The following POLR3F variants were observed in gnomAD, a reference collection of about 807,000 sequenced individuals.
POLR3F encodes the protein RNA polymerase III subunit F, also known as DNA-directed RNA polymerase III subunit RPC6.
Under a neutral mutation model 43.6 loss-of-function variants are expected in POLR3F, and 31 were observed. The ratio of observed to expected loss-of-function variants is 0.71; its 90% confidence interval spans 0.53 to 0.96. The LOEUF is 0.96. Among genes scored for constraint, POLR3F ranks in the 40% least tolerant of loss-of-function variants. The pLI is 0.00. For missense variants in POLR3F, 316 were observed against 391.7 expected (o/e 0.81, Z 1.63); for synonymous variants, 114 against 132.5 (o/e 0.86, Z 0.96).
At chr20:18,467,939 C>G (rs970746347) in intron 1 of POLR3F, among the ~76,000 whole-genome samples, 1 of 152,168 alleles carries the variant, frequency 6.6e-6, no homozygotes, top group Non-Finnish European at 1.5e-5. Context: ...GCTCTTGTCA[C>G]TAAGGGAACG....
intron 7 of POLR3F, among the ~76,000 whole-genome samples, chr20:18,481,186 A>C (rs767755397): frequency 2.0e-5 from 3 of 151,786 alleles, no homozygotes; most frequent in African/African-American, 7.3e-5. Context: ...GCTTTAAATT[A>C]CTCCACCCCA....
intron 5 of POLR3F, among the ~76,000 whole-genome samples, chr20:18,476,041 T>C (rs1158975076): frequency 1.3e-5 from 2 of 152,242 alleles, no homozygotes; most frequent in African/African-American, 4.8e-5. Context: ...ATTTTGTCAG[T>C]CCTCCTTCTA....
Position 18,480,296 on chromosome 20 carries a change from T to G in POLR3F, c.574-106T>G. 2.4e-6 allele frequency: 3 copies of G among 1,251,208 alleles called. No individual in the cohort carries two copies. The South Asian group carries it at 3.9e-5, about 16-fold the overall frequency. The allele number at this position is 1,251,208 out of a possible 1,614,324, so 77.5% of individuals were successfully genotyped here. ...AATTAAAAACCTGAAATTGGGAATT[T>G]TTACTTAACTAAATATGTTCTGTTG... On this transcript the variant is annotated intron_variant, in intron 6 of 8. Transcript: ENST00000377603.
In POLR3F at chr20:18,483,516, A is replaced by C. The variant is rs553574287; in HGVS notation, c.909A>C (p.Ser303=). Residue 303 remains serine (S), a synonymous_variant, in exon 9 of 9, where the codon TCA becomes TCC. Transcript: ENST00000377603. The part of the protein sequence containing the change: ...FDDCHEGGEI[S]PSNCIYMTEW... Reference sequence around the variant, plus strand: ...ACTGCCACGAAGGTGGTGAGATTTCACCATCTAACTGTATTTACATGACAG... The same window carrying C: ...ACTGCCACGAAGGTGGTGAGATTTCCCCATCTAACTGTATTTACATGACAG... The C allele has an allele frequency of 3.2e-6, 5 of 1,539,200 alleles. No homozygotes were observed. In the South Asian group the frequency reaches 6.1e-5, roughly 19 times the overall value.
intron 5 of POLR3F, 129 bp from the exon 6 acceptor site, chr20:18,479,909 G>GTA: frequency 1.7e-6 from 1 of 605,682 alleles, no homozygotes; most frequent in Non-Finnish European, 2.8e-6. Flanking sequence ...ACAGCATGAT[G>GTA]TATATAGGAG....
chr20:18,477,601 C>A (rs1476334254), intron 5 of POLR3F, among the ~76,000 whole-genome samples: 1 of 152,044 alleles, frequency 6.6e-6, no homozygotes, highest in African/African-American at 2.4e-5. Context: ...GAATAGTATT[C>A]AGTTATAAAA....
intron 5 of POLR3F, among the ~76,000 whole-genome samples, chr20:18,475,799 G>A (rs560304373): frequency 6.6e-6 from 1 of 152,284 alleles, no homozygotes; most frequent in East Asian, 1.9e-4. Context: ...TGTTAGGTCT[G>A]TGGCAGTGAG....
intron 2 of POLR3F, 155 bp downstream of exon 2, chr20:18,469,216 T>A: frequency 1.6e-6 from 1 of 618,754 alleles, no homozygotes; most frequent in Non-Finnish European, 2.9e-6. Flanking sequence ...TCTGTGTGGG[T>A]GTTTCTGAAA....
At position 18,483,793 on chromosome 20, in the gene POLR3F, T is replaced by C. The variant is rs1252783007; in HGVS notation, c.*235T>C. The C allele has an allele frequency of 2.5e-6, 1 of 406,272 alleles. No individual in the cohort carries two copies. The highest frequency in any genetic ancestry group is 3.6e-5 in the East Asian group (1 of 27,466). The allele number at this position is 406,272 out of a possible 1,614,324, so 25.2% of individuals were successfully genotyped here. On this transcript the variant is annotated 3_prime_UTR_variant, in exon 9 of 9. Transcript: ENST00000377603. ...GTAGTGAAATTCATTCTTCAATAAA[T>C]AAAACACTTTGAAACTCCGGAGGAC...
At position 18,484,448 on chromosome 20, in the gene POLR3F, G is replaced by A. The variant is rs1393122755; in HGVS notation, c.*890G>A. ...AGTGATAGGTCAGGAGAGTAACAGC[G>A]CTCATGAATGGGATTAGTGCCCTTA... On this transcript the variant is annotated 3_prime_UTR_variant, in exon 9 of 9. Coordinates refer to ENST00000377603, the MANE Select transcript of POLR3F (RefSeq NM_006466.4). 1.5e-5 allele frequency: 4 copies of A among 259,822 alleles called. No homozygotes were observed. The highest frequency in any genetic ancestry group is 6.4e-5 in the East Asian group (1 of 15,716). The allele number at this position is 259,822 out of a possible 1,614,324, so 16.1% of individuals were successfully genotyped here.
intron 5 of POLR3F, among the ~76,000 whole-genome samples, chr20:18,477,087 A>G (rs2059784427): frequency 6.6e-6 from 1 of 151,882 alleles, no homozygotes; most frequent in Admixed American, 6.6e-5. Flanking sequence ...AAAAGAAAAA[A>G]AAAAAAAAAC....
Position 18,467,536 on chromosome 20 carries a change from G to T in POLR3F, c.30G>T (p.Pro10=), listed in dbSNP as rs1361232640. Reference sequence around the variant, plus strand: ...CGGAGGTGAAGGTGAAGGTGCAGCCGCCTGACGCGGATCCGGTCGAAATAG... The same window carrying T: ...CGGAGGTGAAGGTGAAGGTGCAGCCTCCTGACGCGGATCCGGTCGAAATAG... MAEVKVKVQ[P]PDADPVEIEN... Residue 10 remains proline (P), a synonymous_variant, in exon 1 of 9, where the codon CCG becomes CCT. Transcript: ENST00000377603. 6.2e-7 allele frequency: 1 copy of T among 1,614,272 alleles called. No individual in the cohort carries two copies. The highest frequency in any genetic ancestry group is 1.3e-5 in the African/African-American group (1 of 75,074).
intron 1 of POLR3F, 37 bp from the exon 2 acceptor site, chr20:18,468,907 T>G (rs1190992397): frequency 1.0e-6 from 1 of 974,160 alleles, no homozygotes; most frequent in Non-Finnish European, 1.7e-6. Flanking sequence ...TTGAAACAGG[T>G]AACCATGAAG....
Position 18,472,894 on chromosome 20 carries a change from ACT to A in POLR3F, c.237_238del (p.Gln80GlufsTer4), listed in dbSNP as rs1396212034. 1.4e-6 allele frequency: 2 copies of A among 1,470,910 alleles called. No homozygotes were observed. Among genetic ancestry groups the A allele is most frequent in the East Asian group, 2.3e-5 (1 of 42,930 alleles). 91.1% of individuals were successfully genotyped at this position (1,470,910 alleles called of 1,614,324 possible). A position where few individuals can be genotyped will look rare whatever the true frequency, so the allele number is the denominator to read the frequency against. On this transcript the variant is annotated frameshift_variant, in exon 3 of 9. Transcript: ENST00000377603. LOFTEE classifies it high-confidence loss of function. ...ACGGGCCTTTTATATAGAATAAAGG[ACT>A]CTCAGAATGCTGGGTAAGTACTTGT...
At chr20:18,467,762 T>C in intron 1 of POLR3F, 194 bp downstream of exon 1, 2 of 1,201,762 alleles carry the variant, frequency 1.7e-6, no homozygotes, top group Non-Finnish European at 1.1e-6. Flanking sequence ...TCAAAATGGG[T>C]TTGACAGCTT....
intron 8 of POLR3F, among the ~76,000 whole-genome samples, 173 bp downstream of exon 8, chr20:18,481,983 C>CTTTTTT (rs56160449): frequency 1.2e-4 from 9 of 74,326 alleles, no homozygotes; most frequent in African/African-American, 3.1e-4. Context: ...CATTCCTTTA[C>CTTTTTT]TTTTTTTTTT....
chr20:18,478,535 C>A (rs545776581), intron 5 of POLR3F, among the ~76,000 whole-genome samples: 1 of 152,110 alleles, frequency 6.6e-6, no homozygotes, highest in South Asian at 2.1e-4. Flanking sequence ...TGTTTACAAC[C>A]CAGTGAAATT....
intron 3 of POLR3F, 102 bp from the exon 4 acceptor site, chr20:18,473,289 C>A: frequency 1.8e-6 from 1 of 570,882 alleles, no homozygotes; most frequent in Non-Finnish European, 3.2e-6. Flanking sequence ...GTAAATATGT[C>A]ACTGTGGTGA....
chr20:18,468,022 C>A (rs2059709624), intron 1 of POLR3F, among the ~76,000 whole-genome samples: 1 of 152,156 alleles, frequency 6.6e-6, no homozygotes, highest in Non-Finnish European at 1.5e-5. Context: ...CAGGTGGTTT[C>A]AGTGCAGTAT....
Sources: allele counts gnomAD v4.1 joint callset (sites outside exome capture counted in the v4.1 genomes callset), GRCh38; gene constraint gnomAD v4.1.1; transcripts MANE v1.5; gene names NCBI Gene and HGNC (gene_info 2026-07-23, HGNC 2026-07-21).